ALK: variants seen among roughly 807,000 people sequenced by gnomAD.
ALK encodes the protein ALK tyrosine kinase receptor.
A neutral mutation model predicts 163.1 loss-of-function variants in ALK; 74 were observed. That is an observed-to-expected ratio of 0.45 (90% CI 0.38 to 0.55). The LOEUF is 0.55. ALK is among the 20% of genes least tolerant of loss of function. The pLI, the probability that ALK is intolerant of heterozygous loss-of-function variation, is 0.00. For synonymous variants in ALK, 960 were observed against 843.2 expected, an observed-to-expected ratio of 1.14 and a Z score of -2.40; for missense variants, 2,063 against 2,105.3, an observed-to-expected ratio of 0.98 and a Z score of 0.39.
intron 1 of ALK, among the ~76,000 whole-genome samples, chr2:29,888,483 C>T (rs752419921): frequency 1.4e-4 from 22 of 152,158 alleles, no homozygotes; most frequent in African/African-American, 4.8e-4. Context: ...TTTTTCCCAT[C>T]GAAACAAGTG....
intron 4 of ALK, among the ~76,000 whole-genome samples, chr2:29,452,872 A>G (rs572363702): frequency 1.3e-5 from 2 of 152,350 alleles, no homozygotes; most frequent in African/African-American, 2.4e-5. Context: ...GGTTAGACAC[A>G]TGCAAATTGA....
chr2:29,413,645 C>T (rs968447887), intron 4 of ALK, among the ~76,000 whole-genome samples: 3 of 152,174 alleles, frequency 2.0e-5, no homozygotes, highest in Non-Finnish European at 2.9e-5. Flanking sequence ...AAGTCTCCTG[C>T]CTCAGCCTCC....
chr2:29,465,196 T>C (rs185512798), intron 4 of ALK, among the ~76,000 whole-genome samples: 4 of 152,164 alleles, frequency 2.6e-5, no homozygotes, highest in Admixed American at 2.6e-4. Flanking sequence ...AGAGATACAA[T>C]ATATGCAGAG....
At position 29,224,729 on chromosome 2, in the gene ALK, A is replaced by G. The variant is rs890719380; in HGVS notation, c.3172+732T>C. 34 of 217,160 alleles carry G rather than the reference A, an allele frequency of 1.6e-4. 1 individual carries two copies. In the East Asian group the frequency reaches 2.3e-3, roughly 15 times the overall value. 13.5% of individuals were successfully genotyped at this position (217,160 alleles called of 1,614,324 possible). A position where few individuals can be genotyped will look rare whatever the true frequency, so the allele number is the denominator to read the frequency against. On this transcript the variant is annotated intron_variant, in intron 19 of 28. Transcript: ENST00000389048. ...GTAAATTGCCGAGCACGTAGTAACC[A>G]TGCAACAAGTGTTAGCTCCTATTAT...
intron 1 of ALK, among the ~76,000 whole-genome samples, chr2:29,783,126 C>A (rs1362783618): frequency 6.6e-6 from 1 of 152,202 alleles, no homozygotes; most frequent in Non-Finnish European, 1.5e-5. Context: ...ACGGGCTCTT[C>A]GCTTTTTCCT....
At chr2:29,467,617 C>T (rs1455140430) in intron 4 of ALK, among the ~76,000 whole-genome samples, 2 of 152,216 alleles carry the variant, frequency 1.3e-5, no homozygotes, top group Non-Finnish European at 2.9e-5. Context: ...AAAAGCCTAT[C>T]CACTAGACCA....
chr2:29,411,321 G>T (rs181948086), intron 4 of ALK, among the ~76,000 whole-genome samples: 1 of 152,140 alleles, frequency 6.6e-6, no homozygotes, highest in East Asian at 1.9e-4. Context: ...TAGAGGAGCT[G>T]TCACTCTTTT....
intron 12 of ALK, among the ~76,000 whole-genome samples, chr2:29,242,638 C>T (rs1049513633): frequency 1.3e-5 from 2 of 152,120 alleles, no homozygotes; most frequent in South Asian, 2.1e-4. Flanking sequence ...TTCTTGTCCC[C>T]GTTCTTCTGG....
At chr2:29,739,463 CAGG>C (rs1373615298) in intron 1 of ALK, among the ~76,000 whole-genome samples, 1 of 150,130 alleles carries the variant, frequency 6.7e-6, no homozygotes, top group East Asian at 2.0e-4. Context: ...GAGGCTGAGG[CAGG>C]AGAATTGCTT....
chr2:29,540,552 G>T, intron 3 of ALK, among the ~76,000 whole-genome samples: 1 of 144,374 alleles, frequency 6.9e-6, no homozygotes, highest in South Asian at 2.2e-4. Context: ...GTCTTTGGTA[G>T]AAATAAAGGA....
intron 2 of ALK, among the ~76,000 whole-genome samples, chr2:29,702,313 T>C (rs1678766243): frequency 6.6e-6 from 1 of 152,046 alleles, no homozygotes; most frequent in Non-Finnish European, 1.5e-5. Context: ...TACAACAATG[T>C]ACAAGCTCTA....
chr2:29,662,024 C>T (rs1324244361), intron 3 of ALK, among the ~76,000 whole-genome samples: 3 of 152,122 alleles, frequency 2.0e-5, no homozygotes, highest in Admixed American at 6.5e-5. Context: ...ATTCTCCTGC[C>T]TCAGCCTCCC....
At chr2:29,734,298 G>A (rs1196253625) in intron 1 of ALK, among the ~76,000 whole-genome samples, 3 of 152,224 alleles carry the variant, frequency 2.0e-5, no homozygotes, top group Non-Finnish European at 4.4e-5. Context: ...GAGTAATTAT[G>A]GAGATTTCAT....
intron 15 of ALK, 38 bp from the exon 16 acceptor site, chr2:29,229,104 G>A: frequency 6.3e-7 from 1 of 1,598,674 alleles, no homozygotes; most frequent in Non-Finnish European, 8.6e-7. Flanking sequence ...GAGGATGCTG[G>A]CAAGGTTCAA....
intron 3 of ALK, among the ~76,000 whole-genome samples, chr2:29,579,721 C>T (rs1446032718): frequency 1.3e-5 from 2 of 152,140 alleles, no homozygotes; most frequent in South Asian, 4.1e-4. Context: ...GTTTCATTTG[C>T]TTCAGATGCC....
intron 1 of ALK, among the ~76,000 whole-genome samples, chr2:29,892,019 C>G (rs895335520): frequency 6.6e-6 from 1 of 152,222 alleles, no homozygotes; most frequent in Non-Finnish European, 1.5e-5. Flanking sequence ...ATGGTCCTAA[C>G]CATGCCCTTT....
chr2:29,519,926 C>A (rs1467000343), intron 4 of ALK, among the ~76,000 whole-genome samples: 1 of 152,156 alleles, frequency 6.6e-6, no homozygotes, highest in Non-Finnish European at 1.5e-5. Flanking sequence ...AATTGGAATT[C>A]ATCTTAGATT....
chr2:29,638,528 G>C (rs1301985190), intron 3 of ALK, among the ~76,000 whole-genome samples: 1 of 151,424 alleles, frequency 6.6e-6, no homozygotes, highest in Non-Finnish European at 1.5e-5. Flanking sequence ...GTGGGGGTGG[G>C]GGGAGATGGA....
intron 3 of ALK, among the ~76,000 whole-genome samples, chr2:29,632,567 C>T (rs1676408787): frequency 6.6e-6 from 1 of 152,176 alleles, no homozygotes; most frequent in Non-Finnish European, 1.5e-5. Flanking sequence ...AAATCTTTCT[C>T]TCTCCCCATT....
Sources: allele counts gnomAD v4.1 joint callset (sites outside exome capture counted in the v4.1 genomes callset), GRCh38; gene constraint gnomAD v4.1.1; transcripts MANE v1.5; gene names NCBI Gene and HGNC (gene_info 2026-07-23, HGNC 2026-07-21).